Variants in ANXA6 observed in about 807,000 individuals in gnomAD.
The protein encoded by ANXA6 is 67 kDa calelectrin.
A neutral mutation model predicts 95.4 loss-of-function variants in ANXA6; 71 were observed. The observed-to-expected ratio is 0.74, with a 90% CI of 0.61 to 0.91. ANXA6 has a LOEUF of 0.91. Ranked by LOEUF, ANXA6 falls within the 40% of genes least tolerant of loss-of-function variation. ANXA6 has a pLI of 0.00. For synonymous variants in ANXA6, 289 were observed against 315.9 expected (o/e 0.91, Z 0.90); for missense variants, 830 against 876.4 (o/e 0.95, Z 0.67).
chr5:151,139,488 C>G (rs1218737199), intron 3 of ANXA6, 41 bp from the exon 4 acceptor site: 1 of 1,503,138 alleles, frequency 6.7e-7, no homozygotes, highest in African/African-American at 1.4e-5. Context: ...CCCACCCTGC[C>G]TCCAGGAAGC....
intron 4 of ANXA6, 28 bp downstream of exon 4, chr5:151,139,325 C>G (rs779645286): frequency 6.6e-7 from 1 of 1,520,830 alleles, no homozygotes; most frequent in South Asian, 1.2e-5. Flanking sequence ...CACCCGCACC[C>G]CATGGGCCCT....
intron 21 of ANXA6, 96 bp downstream of exon 21, chr5:151,110,531 C>G: frequency 1.4e-6 from 2 of 1,384,818 alleles, no homozygotes; most frequent in Non-Finnish European, 2.0e-6. Flanking sequence ...GCACAGCAAG[C>G]TCCCAAATCA....
At chr5:151,136,477 G>T (rs1765666363) in intron 6 of ANXA6, 142 bp from the exon 7 acceptor site, 2 of 699,186 alleles carry the variant, frequency 2.9e-6, no homozygotes, top group Admixed American at 2.7e-5. Flanking sequence ...CAAGACCCAG[G>T]GTATATTTTC....
At chr5:151,157,246 A>G (rs1016795214) in intron 1 of ANXA6, among the ~76,000 whole-genome samples, 4 of 152,120 alleles carry the variant, frequency 2.6e-5, no homozygotes, top group African/African-American at 9.7e-5. Context: ...GGAGGGTCCA[A>G]CGCTCTTGCT....
intron 17 of ANXA6, 128 bp from the exon 18 acceptor site, chr5:151,119,518 C>A: frequency 1.3e-6 from 1 of 774,878 alleles, no homozygotes; most frequent in East Asian, 2.7e-5. Flanking sequence ...AGACATGGCC[C>A]TCAGGCCCAA....
In ANXA6 at chr5:151,123,078, C is replaced by T. The variant is rs925467799; in HGVS notation, c.1139-67G>A. On this transcript the variant is annotated intron_variant, in intron 15 of 25. Coordinates refer to ENST00000354546, the MANE Select transcript of ANXA6 (RefSeq NM_001155.5). ...CTCTCGGCTTTCCCCATGCACCGCC[C>T]ACTGATGGCCCCTCATCGATCTTTG... 19 of 1,311,564 alleles carry T rather than the reference C, an allele frequency of 1.4e-5. No homozygotes were observed. In the African/African-American group the frequency reaches 2.3e-4, roughly 16 times the overall value. 81.2% of individuals were successfully genotyped at this position (1,311,564 alleles called of 1,614,324 possible).
At chr5:151,139,483 C>A (rs761871406) in intron 3 of ANXA6, 36 bp from the exon 4 acceptor site, 4 of 1,548,510 alleles carry the variant, frequency 2.6e-6, no homozygotes, top group Admixed American at 1.7e-5. Context: ...TCCTACCCAC[C>A]CTGCCTCCAG....
Position 151,100,826 on chromosome 5 carries a change from TCCAAC to T in ANXA6, c.*617_*621del. ...TAGAAGGGAAGCCAAGATTTTTTTG[TCCAAC>T]TGTCTCATTGTAGATAAGAAAATAG... On this transcript the variant is annotated 3_prime_UTR_variant, in exon 26 of 26. Coordinates refer to ENST00000354546, the MANE Select transcript of ANXA6 (RefSeq NM_001155.5). 2.2e-6 allele frequency: 1 copy of T among 451,084 alleles called. No homozygotes were observed. The highest frequency in any genetic ancestry group is 4.5e-6 in the Non-Finnish European group (1 of 223,074). 27.9% of individuals were successfully genotyped at this position (451,084 alleles called of 1,614,324 possible). A position where few individuals can be genotyped will look rare whatever the true frequency, so the allele number is the denominator to read the frequency against.
chr5:151,139,500 C>A, intron 3 of ANXA6, 53 bp from the exon 4 acceptor site: 2 of 1,303,704 alleles, frequency 1.5e-6, no homozygotes, highest in Non-Finnish European at 2.2e-6. Flanking sequence ...CCAGGAAGCC[C>A]ACCAGGGCCA....
At chr5:151,106,647 T>C (rs1181743169) in intron 23 of ANXA6, among the ~76,000 whole-genome samples, 1 of 152,152 alleles carries the variant, frequency 6.6e-6, no homozygotes, top group East Asian at 1.9e-4. Context: ...CACTACATTA[T>C]CTCTCTAAAT....
chr5:151,103,227 C>G (rs1359256458), intron 25 of ANXA6, among the ~76,000 whole-genome samples: 1 of 152,148 alleles, frequency 6.6e-6, no homozygotes, highest in Admixed American at 6.5e-5. Context: ...GAACTCCTGA[C>G]CTCAAGTGAT....
intron 7 of ANXA6, among the ~76,000 whole-genome samples, chr5:151,135,993 T>C (rs997661238): frequency 6.6e-6 from 1 of 152,106 alleles, no homozygotes; most frequent in Non-Finnish European, 1.5e-5. Flanking sequence ...AAATGCTGCA[T>C]GTGCAGCTGC....
At chr5:151,143,451 T>C (rs1284826491) in intron 2 of ANXA6, among the ~76,000 whole-genome samples, 1 of 152,134 alleles carries the variant, frequency 6.6e-6, no homozygotes, top group Admixed American at 6.5e-5. Context: ...GCTTCTCACA[T>C]TCAGATACTC....
At chr5:151,118,491 T>G (rs992279280) in intron 18 of ANXA6, among the ~76,000 whole-genome samples, 4 of 152,098 alleles carry the variant, frequency 2.6e-5, no homozygotes, top group Non-Finnish European at 5.9e-5. Flanking sequence ...TGGAGTGCAG[T>G]GGCGTGATAT....
At chr5:151,110,481 CTT>C in intron 21 of ANXA6, 144 bp downstream of exon 21, 2 of 869,612 alleles carry the variant, frequency 2.3e-6, no homozygotes, top group Admixed American at 2.4e-5. Context: ...CCTGGCCTAT[CTT>C]TTACCAAGCA....
chr5:151,134,549 A>G lies in ANXA6; in HGVS notation c.490-66T>C, dbSNP rs1765604988. On this transcript the variant is annotated intron_variant, in intron 7 of 25. Coordinates refer to ENST00000354546, the MANE Select transcript of ANXA6 (RefSeq NM_001155.5). ...AAGTCAGGAGGGAGGCCTGGATGCC[A>G]GTGGTGGAGACAGGGAAAGCAGGAA... The G allele has an allele frequency of 1.2e-5, 19 of 1,553,346 alleles. No individual in the cohort carries two copies. The South Asian group carries it at 1.2e-4, about 10-fold the overall frequency.
intron 2 of ANXA6, chr5:151,141,632 G>A (rs763946415): frequency 1.0e-5 from 10 of 985,446 alleles, no homozygotes; most frequent in Non-Finnish European, 1.2e-5. Flanking sequence ...CCCCGGCCAG[G>A]CCTCTGGATG....
At chr5:151,125,393 A>G (rs893096846) in intron 14 of ANXA6, among the ~76,000 whole-genome samples, 1 of 151,982 alleles carries the variant, frequency 6.6e-6, no homozygotes, top group Non-Finnish European at 1.5e-5. Context: ...TATAACTACC[A>G]TGAATTAGGA....
chr5:151,108,029 GTGTA>G (rs1334912402), intron 23 of ANXA6, among the ~76,000 whole-genome samples: 1 of 152,080 alleles, frequency 6.6e-6, no homozygotes, highest in Non-Finnish European at 1.5e-5. Context: ...TGTGTGATGT[GTGTA>G]TGTGTGGTGT....
Sources: gnomAD v4.1 joint callset for allele counts (sites outside exome capture counted in the v4.1 genomes callset) on GRCh38, gnomAD v4.1.1 for gene constraint, MANE v1.5 for transcripts, NCBI Gene and HGNC (gene_info 2026-07-23, HGNC 2026-07-21) for gene names.